The following OPHN1 variants were observed in gnomAD, a reference collection of about 807,000 sequenced individuals.
OPHN1 encodes the protein oligophrenin 1.
In OPHN1, 11 loss-of-function variants were observed where a neutral mutation model predicts 60.7. That is an observed-to-expected ratio of 0.18 (90% CI 0.11 to 0.30). The LOEUF (loss-of-function observed/expected upper bound fraction) is 0.30. Ranked by LOEUF, OPHN1 falls within the 10% of genes least tolerant of loss-of-function variation. The pLI, the probability that OPHN1 is intolerant of heterozygous loss-of-function variation, is 1.00. For synonymous variants in OPHN1, 226 were observed against 222.6 expected (o/e 1.02, Z -0.14); for missense variants, 449 against 611.0 (o/e 0.73, Z 2.80).
At chrX:68,195,522 A>C (rs1432086646) in intron 12 of OPHN1, among the ~76,000 whole-genome samples, 2 of 112,097 alleles carry the variant, frequency 1.8e-5, no homozygotes, top group African/African-American at 6.5e-5. Flanking sequence ...TTATATCAGT[A>C]AAGTGATCAG....
chrX:68,197,290 T>C (rs761933851), intron 11 of OPHN1, 26 bp from the exon 12 acceptor site: 1 of 1,142,920 alleles, frequency 8.7e-7, no homozygotes, highest in Non-Finnish European at 1.2e-6. Flanking sequence ...ATGGTAAGTA[T>C]AAAGCAGAAA....
chrX:68,107,070 C>G (rs1415428460), intron 18 of OPHN1, among the ~76,000 whole-genome samples: 8 of 111,954 alleles, frequency 7.1e-5, no homozygotes, highest in Non-Finnish European at 5.6e-5. Context: ...CTAAATACTT[C>G]AGCATTCATC....
At chrX:68,183,067 C>T (rs753583025) in intron 15 of OPHN1, among the ~76,000 whole-genome samples, 4 of 111,823 alleles carry the variant, frequency 3.6e-5, no homozygotes, top group Non-Finnish European at 7.5e-5. Flanking sequence ...AATACAAAGG[C>T]CCATAATAAC....
At chrX:68,217,683 C>T (rs898919117) in intron 6 of OPHN1, among the ~76,000 whole-genome samples, 1 of 110,715 alleles carries the variant, frequency 9.0e-6, no homozygotes, top group Non-Finnish European at 1.9e-5. Context: ...ACACCTCACA[C>T]GGCAGGGTAC....
At chrX:68,220,319 C>G (rs1205845529) in intron 6 of OPHN1, among the ~76,000 whole-genome samples, 1 of 107,319 alleles carries the variant, frequency 9.3e-6, no homozygotes, top group Non-Finnish European at 1.9e-5. Context: ...AGTCCAGGAC[C>G]AGATGGATTC....
intron 15 of OPHN1, among the ~76,000 whole-genome samples, chrX:68,126,424 AT>A (rs774210883): frequency 1.4e-4 from 15 of 110,848 alleles, no homozygotes; most frequent in African/African-American, 4.6e-4. Flanking sequence ...GAGAATGGCA[AT>A]TCCAGATTTA....
At chrX:68,288,733 C>T (rs1423645842) in intron 3 of OPHN1, among the ~76,000 whole-genome samples, 1 of 110,530 alleles carries the variant, frequency 9.0e-6, no homozygotes, top group African/African-American at 3.3e-5. Flanking sequence ...CACTGCACTC[C>T]AGCCTGGGGG....
intron 5 of OPHN1, among the ~76,000 whole-genome samples, chrX:68,258,320 A>G (rs1252375166): frequency 9.4e-6 from 1 of 106,173 alleles, no homozygotes. Flanking sequence ...CCATATGTAT[A>G]CATGTGCCAT....
intron 16 of OPHN1, 50 bp downstream of exon 16, chrX:68,119,198 G>T (rs202224093): frequency 3.3e-5 from 31 of 948,356 alleles, no homozygotes; most frequent in Middle Eastern, 5.2e-4. Context: ...AACACCCAGA[G>T]AAATTTCACC....
intron 2 of OPHN1, among the ~76,000 whole-genome samples, chrX:68,372,277 A>G (rs1037277312): frequency 8.9e-6 from 1 of 112,253 alleles, no homozygotes; most frequent in South Asian, 3.7e-4. Flanking sequence ...AGTCTGTTCA[A>G]CAAATGGAAC....
intron 5 of OPHN1, among the ~76,000 whole-genome samples, chrX:68,267,397 T>G (rs1331822661): frequency 8.9e-6 from 1 of 111,777 alleles, no homozygotes; most frequent in Non-Finnish European, 1.9e-5. Flanking sequence ...CTCAACTACA[T>G]GGAAACTGAA....
Position 68,406,617 on chromosome X carries a change from A to G in OPHN1, c.154+26250T>C, listed in dbSNP as rs768709659. 4.2e-3 allele frequency among the ~76,000 whole-genome samples: 463 copies of G among 111,562 alleles called. 1 individual carries two copies. Among genetic ancestry groups the G allele is most frequent in the African/African-American group, 0.015 (453 of 30,693 alleles). ...ACAGAGTAAGACTCCATCTCCAAAAAAAAAATTAAATTCCTGACATTAATA... is the reference window on the plus strand; with the variant it reads ...ACAGAGTAAGACTCCATCTCCAAAAGAAAAATTAAATTCCTGACATTAATA... On this transcript the variant is annotated intron_variant, in intron 2 of 24. Transcript: ENST00000355520.
chrX:68,160,093 T>C (rs1569228722), intron 15 of OPHN1, among the ~76,000 whole-genome samples: 2 of 109,091 alleles, frequency 1.8e-5, no homozygotes, highest in African/African-American at 6.6e-5. Flanking sequence ...GAGACATATA[T>C]TATACAAATA....
intron 2 of OPHN1, among the ~76,000 whole-genome samples, chrX:68,332,802 TA>T (rs57157442): frequency 0.08 from 8,141 of 101,462 alleles, 817 homozygotes; most frequent in African/African-American, 0.27. Flanking sequence ...TTATGGAAAT[TA>T]AAAAAAAAAA....
intron 4 of OPHN1, among the ~76,000 whole-genome samples, chrX:68,277,352 C>T (rs1569266869): frequency 8.9e-6 from 1 of 112,656 alleles, no homozygotes. Flanking sequence ...TGCTGCTCAC[C>T]TCCTGCTGTG....
chrX:68,307,933 T>C (rs2078153951), intron 2 of OPHN1, among the ~76,000 whole-genome samples: 1 of 112,108 alleles, frequency 8.9e-6, no homozygotes, highest in Non-Finnish European at 1.9e-5. Context: ...TACTTTCAGT[T>C]TGAAATAAAA....
chrX:68,096,541 C>T (rs925593453), intron 19 of OPHN1, among the ~76,000 whole-genome samples: 1 of 111,683 alleles, frequency 9.0e-6, no homozygotes. Context: ...TGTATATAGA[C>T]TACTTTTATA....
At chrX:68,280,543 A>C (rs746406303) in intron 4 of OPHN1, among the ~76,000 whole-genome samples, 1 of 111,866 alleles carries the variant, frequency 8.9e-6, no homozygotes, top group East Asian at 2.8e-4. Flanking sequence ...TGTTGAAAAG[A>C]AAGGGATTTT....
intron 15 of OPHN1, among the ~76,000 whole-genome samples, chrX:68,124,466 C>A (rs2077162069): frequency 9.0e-6 from 1 of 110,697 alleles, no homozygotes; most frequent in Non-Finnish European, 1.9e-5. Context: ...CACTTCAACA[C>A]CCCTACTTTC....
Sources: gnomAD v4.1 joint callset for allele counts (sites outside exome capture counted in the v4.1 genomes callset) on GRCh38, gnomAD v4.1.1 for gene constraint, MANE v1.5 for transcripts, NCBI Gene and HGNC (gene_info 2026-07-23, HGNC 2026-07-21) for gene names.